RPS6KC1: variants seen among roughly 807,000 people sequenced by gnomAD.
The protein encoded by RPS6KC1 is ribosomal protein S6 kinase C1.
A neutral mutation model predicts 103.8 loss-of-function variants in RPS6KC1; 54 were observed. That is an observed-to-expected ratio of 0.52 (90% CI 0.42 to 0.65). The LOEUF is 0.65. Ranked by LOEUF, RPS6KC1 falls within the 30% of genes least tolerant of loss-of-function variation. The probability of loss-of-function intolerance (pLI) is 0.00; values close to 1 mark genes in which losing one functional copy is unlikely to be tolerated. For missense variants in RPS6KC1, 1,151 were observed against 1,253.8 expected, an observed-to-expected ratio of 0.92 and a Z score of 1.24; for synonymous variants, 439 against 438.7, an observed-to-expected ratio of 1.00 and a Z score of -0.01.
At chr1:213,299,958 C>T in the RPS6KC1 span, among the ~76,000 whole-genome samples, 1 of 152,184 alleles carries the variant, frequency 6.6e-6, no homozygotes, top group Non-Finnish European at 1.5e-5. Context: ...GTGCCTGCCA[C>T]CACGCCCGGC....
At chr1:213,748,475 A>G in the RPS6KC1 span, among the ~76,000 whole-genome samples, 1 of 152,216 alleles carries the variant, frequency 6.6e-6, no homozygotes, top group Non-Finnish European at 1.5e-5. Context: ...TGAATTACTC[A>G]TGGTTCTCTT....
chr1:213,216,961 A>G lies in RPS6KC1; in HGVS notation c.1045-13536A>G, dbSNP rs892937613. 3.3e-5 allele frequency among the ~76,000 whole-genome samples: 5 copies of G among 151,932 alleles called. 1 individual carries two copies. The highest frequency in any genetic ancestry group is 1.2e-4 in the African/African-American group (5 of 41,186). ...ACACCCTAACATCACAATTAAAAGA[A>G]CTAGAGAAGCAAGAGCAAACACATT... is the stretch of plus-strand genomic sequence containing the variant. On this transcript the variant is annotated intron_variant, in intron 8 of 14. Transcript: ENST00000366960.
the RPS6KC1 span, among the ~76,000 whole-genome samples, chr1:213,641,807 C>G: frequency 6.8e-6 from 1 of 146,096 alleles, no homozygotes; most frequent in Non-Finnish European, 1.5e-5. Context: ...CACCACTGCC[C>G]CACCCACCCC....
At chr1:213,078,583 G>A (rs1426503913) in intron 3 of RPS6KC1, among the ~76,000 whole-genome samples, 1 of 152,074 alleles carries the variant, frequency 6.6e-6, no homozygotes, top group East Asian at 1.9e-4. Context: ...TGTATTTTTA[G>A]TAGAGATGAG....
At chr1:213,276,997 A>G (rs1169710435), downstream of RPS6KC1, among the ~76,000 whole-genome samples, 1 of 152,192 alleles carries the variant, frequency 6.6e-6, no homozygotes, top group East Asian at 1.9e-4. Context: ...TAAAAAATGG[A>G]TACTTTCTGT....
the RPS6KC1 span, among the ~76,000 whole-genome samples, chr1:213,712,275 C>T: frequency 6.6e-6 from 1 of 152,152 alleles, no homozygotes; most frequent in East Asian, 1.9e-4. Flanking sequence ...AGAGTGGGCT[C>T]CACCCAGTCT....
chr1:213,125,294 A>G (rs1400490944), intron 5 of RPS6KC1, among the ~76,000 whole-genome samples: 1 of 152,096 alleles, frequency 6.6e-6, no homozygotes, highest in Non-Finnish European at 1.5e-5. Context: ...GCATAATATA[A>G]GACACTTTAG....
the RPS6KC1 span, among the ~76,000 whole-genome samples, chr1:213,458,161 C>G: frequency 6.6e-6 from 1 of 152,168 alleles, no homozygotes; most frequent in Non-Finnish European, 1.5e-5. Context: ...CTCCTTCCCC[C>G]TCTACAAGTC....
the RPS6KC1 span, among the ~76,000 whole-genome samples, chr1:213,860,158 G>C: frequency 2.7e-5 from 4 of 150,332 alleles, no homozygotes; most frequent in African/African-American, 9.8e-5. Flanking sequence ...AATATATATA[G>C]GTGTATGTAT....
chr1:213,736,009 C>G, the RPS6KC1 span, among the ~76,000 whole-genome samples: 2 of 152,144 alleles, frequency 1.3e-5, no homozygotes, highest in Non-Finnish European at 2.9e-5. Flanking sequence ...CCTTAACACC[C>G]GCTGGCTCTG....
chr1:213,302,135 C>T, the RPS6KC1 span, among the ~76,000 whole-genome samples: 1 of 152,230 alleles, frequency 6.6e-6, no homozygotes, highest in Non-Finnish European at 1.5e-5. Flanking sequence ...AGCCTTTCTC[C>T]TTTATTCCCC....
the RPS6KC1 span, among the ~76,000 whole-genome samples, chr1:213,454,786 C>CGT: frequency 0.01 from 1,581 of 152,308 alleles, 27 homozygotes; most frequent in African/African-American, 0.036. Context: ...CCTTTAGAGG[C>CGT]GTGCCCTCTG....
At chr1:213,713,337 C>T in the RPS6KC1 span, among the ~76,000 whole-genome samples, 5 of 152,112 alleles carry the variant, frequency 3.3e-5, no homozygotes, top group African/African-American at 1.2e-4. Context: ...ACTTTTTCTC[C>T]CTGAATTTTT....
the RPS6KC1 span, among the ~76,000 whole-genome samples, chr1:213,444,384 G>A: frequency 6.6e-6 from 1 of 152,112 alleles, no homozygotes; most frequent in African/African-American, 2.4e-5. Flanking sequence ...CTTCTCTGAT[G>A]TGGGGTAGAG....
chr1:213,633,874 C>CAAAAAAAAAAAAAAA, the RPS6KC1 span, among the ~76,000 whole-genome samples: 2 of 8,278 alleles, frequency 2.4e-4, 1 homozygote, highest in Non-Finnish European at 4.1e-4. Context: ...AAATGGAAAG[C>CAAAAAAAAAAAAAAA]AAAAAAAAAA....
chr1:213,510,778 A>G, the RPS6KC1 span, among the ~76,000 whole-genome samples: 3 of 152,182 alleles, frequency 2.0e-5, no homozygotes, highest in Non-Finnish European at 4.4e-5. Flanking sequence ...GTATTCTACC[A>G]TTATTGATGC....
chr1:213,073,063 T>C (rs2079020920), intron 2 of RPS6KC1: 1 of 197,730 alleles, frequency 5.1e-6, no homozygotes, highest in Non-Finnish European at 9.1e-6. Flanking sequence ...TTCTATTTAG[T>C]TGGCTTCTTA....
the RPS6KC1 span, among the ~76,000 whole-genome samples, chr1:213,510,067 T>A: frequency 6.6e-6 from 1 of 152,180 alleles, no homozygotes; most frequent in Non-Finnish European, 1.5e-5. Context: ...CTACCTACAA[T>A]AGGGTGCTAA....
At chr1:213,850,779 A>G in the RPS6KC1 span, among the ~76,000 whole-genome samples, 1 of 141,994 alleles carries the variant, frequency 7.0e-6, no homozygotes, top group Non-Finnish European at 1.5e-5. Flanking sequence ...ACATCTCCCA[A>G]TGCTTAGCTT....
Sources: gnomAD v4.1 joint callset for allele counts (sites outside exome capture counted in the v4.1 genomes callset) on GRCh38, gnomAD v4.1.1 for gene constraint, MANE v1.5 for transcripts, NCBI Gene and HGNC (gene_info 2026-07-23, HGNC 2026-07-21) for gene names.